The following MACROD1 variants were observed in gnomAD, a reference collection of about 807,000 sequenced individuals.
The protein encoded by MACROD1 is ADP-ribose glycohydrolase MACROD1.
In MACROD1, 31 loss-of-function variants were observed where a neutral mutation model predicts 41.4. That is an observed-to-expected ratio of 0.75 (90% CI 0.56 to 1.01). The LOEUF (loss-of-function observed/expected upper bound fraction) is 1.01. MACROD1 is among the 50% of genes least tolerant of loss of function. The probability of loss-of-function intolerance (pLI) is 0.00; values close to 1 mark genes in which losing one functional copy is unlikely to be tolerated. For synonymous variants in MACROD1, 252 were observed against 203.4 expected, an observed-to-expected ratio of 1.24 and a Z score of -2.03; for missense variants, 473 against 460.0, an observed-to-expected ratio of 1.03 and a Z score of -0.26.
chr11:64,149,374 G>A (rs951007379), intron 3 of MACROD1, among the ~76,000 whole-genome samples: 4 of 152,180 alleles, frequency 2.6e-5, no homozygotes, highest in African/African-American at 9.7e-5. Context: ...GGAGTCCACA[G>A]AGAAACTCAG....
At chr11:64,058,860 A>C (rs1943843486) in intron 3 of MACROD1, among the ~76,000 whole-genome samples, 1 of 152,046 alleles carries the variant, frequency 6.6e-6, no homozygotes, top group Non-Finnish European at 1.5e-5. Context: ...AGGACCAGTG[A>C]TAGGGGAGCT....
At chr11:64,164,942 T>G (rs1945814812) in intron 1 of MACROD1, among the ~76,000 whole-genome samples, 1 of 151,642 alleles carries the variant, frequency 6.6e-6, no homozygotes, top group African/African-American at 2.4e-5. Context: ...TCATGCCCCC[T>G]CCAGGAGCAA....
chr11:64,071,617 G>A (rs750276815), intron 3 of MACROD1, among the ~76,000 whole-genome samples: 4 of 152,132 alleles, frequency 2.6e-5, no homozygotes, highest in Non-Finnish European at 5.9e-5. Flanking sequence ...TACAGGTTCT[G>A]TCGTATCACC....
intron 3 of MACROD1, among the ~76,000 whole-genome samples, chr11:64,085,681 C>T (rs1243483099): frequency 6.6e-6 from 1 of 152,170 alleles, no homozygotes; most frequent in African/African-American, 2.4e-5. Flanking sequence ...GTGGGACGGT[C>T]ACCCACAGAC....
chr11:64,009,230 G>C (rs1942964414), intron 4 of MACROD1: 1 of 152,154 alleles, frequency 6.6e-6, no homozygotes, highest in African/African-American at 2.4e-5. Flanking sequence ...CATACAATAG[G>C]AGAGTGTTTT....
intron 3 of MACROD1, among the ~76,000 whole-genome samples, chr11:64,061,757 T>C (rs974187571): frequency 1.3e-5 from 2 of 151,136 alleles, no homozygotes; most frequent in African/African-American, 4.9e-5. Flanking sequence ...TGGAGTGCAA[T>C]GGCACGATCA....
intron 3 of MACROD1, chr11:64,116,385 G>A (rs1780305254): frequency 1.2e-6 from 2 of 1,613,758 alleles, no homozygotes; most frequent in East Asian, 4.5e-5. Flanking sequence ...CCTCTGCTAC[G>A]GGCTCATCGC....
chr11:64,127,290 C>T lies in MACROD1; in HGVS notation c.517+23949G>A, dbSNP rs186183129. On this transcript the variant is annotated intron_variant, in intron 3 of 10. Coordinates refer to ENST00000255681, the MANE Select transcript of MACROD1 (RefSeq NM_014067.4). ...AATAAATAGAAAGATTTAACTTTTACGGTCATCTCTTGCTGCTGACTCTCG... is the reference window on the plus strand; with the variant it reads ...AATAAATAGAAAGATTTAACTTTTATGGTCATCTCTTGCTGCTGACTCTCG... Among the ~76,000 whole-genome samples, 70 of 152,374 alleles carry T rather than the reference C, an allele frequency of 4.6e-4. No individual in the cohort carries two copies. In the East Asian group the frequency reaches 0.012, roughly 26 times the overall value.
At chr11:64,053,716 C>T (rs1342995666) in intron 3 of MACROD1, among the ~76,000 whole-genome samples, 2 of 152,068 alleles carry the variant, frequency 1.3e-5, no homozygotes, top group East Asian at 3.9e-4. Context: ...CCCCTACTTT[C>T]TCCTTCCCTT....
intron 3 of MACROD1, among the ~76,000 whole-genome samples, chr11:64,115,653 C>A (rs1944963933): frequency 6.6e-6 from 1 of 152,228 alleles, no homozygotes; most frequent in South Asian, 2.1e-4. Flanking sequence ...TTCGTTCCCG[C>A]AGGTTCTGGC....
intron 3 of MACROD1, chr11:64,117,048 G>A (rs1327760639): frequency 1.2e-6 from 2 of 1,606,202 alleles, no homozygotes; most frequent in Non-Finnish European, 1.7e-6. Flanking sequence ...CAATTCGCTG[G>A]CCGCGCCACC....
At chr11:64,002,603 C>T (rs1033337604) in intron 4 of MACROD1, among the ~76,000 whole-genome samples, 21 of 152,138 alleles carry the variant, frequency 1.4e-4, no homozygotes, top group Admixed American at 1.3e-4. Flanking sequence ...CTCTTGCCTG[C>T]GTGTCCCTCC....
intron 3 of MACROD1, among the ~76,000 whole-genome samples, chr11:64,028,728 G>T (rs1369285475): frequency 6.6e-6 from 1 of 152,086 alleles, no homozygotes; most frequent in Non-Finnish European, 1.5e-5. Context: ...AGCCTCAGCG[G>T]CGCTGGTGCT....
chr11:64,071,395 A>T (rs1193231057), intron 3 of MACROD1, among the ~76,000 whole-genome samples: 1 of 152,084 alleles, frequency 6.6e-6, no homozygotes, highest in African/African-American at 2.4e-5. Context: ...TGAATGAATG[A>T]ATGAAACTCA....
chr11:64,124,268 C>T (rs866443033), intron 3 of MACROD1, among the ~76,000 whole-genome samples: 9 of 152,222 alleles, frequency 5.9e-5, no homozygotes, highest in Non-Finnish European at 1.0e-4. Context: ...CCTGCAGCTC[C>T]GAAGCCCAGG....
chr11:64,160,902 T>C (rs953365331), intron 1 of MACROD1, among the ~76,000 whole-genome samples: 2 of 150,722 alleles, frequency 1.3e-5, no homozygotes, highest in Non-Finnish European at 2.9e-5. Context: ...GCCGGGATGG[T>C]GGCTCACACT....
At chr11:64,100,656 C>G (rs1212606387) in intron 3 of MACROD1, among the ~76,000 whole-genome samples, 1 of 152,194 alleles carries the variant, frequency 6.6e-6, no homozygotes, top group African/African-American at 2.4e-5. Flanking sequence ...TACTAATGAT[C>G]ATCATTATGC....
At chr11:64,123,137 C>G (rs928973630) in intron 3 of MACROD1, among the ~76,000 whole-genome samples, 1 of 152,164 alleles carries the variant, frequency 6.6e-6, no homozygotes, top group South Asian at 2.1e-4. Context: ...AGGGGCCGGG[C>G]GCAGGGACCT....
intron 3 of MACROD1, among the ~76,000 whole-genome samples, chr11:64,015,990 T>C (rs1271343991): frequency 6.6e-6 from 1 of 152,154 alleles, no homozygotes; most frequent in Non-Finnish European, 1.5e-5. Flanking sequence ...CCTCACCAGC[T>C]GGTGTGAAGG....
Sources: allele counts gnomAD v4.1 joint callset (sites outside exome capture counted in the v4.1 genomes callset), GRCh38; gene constraint gnomAD v4.1.1; transcripts MANE v1.5; gene names NCBI Gene and HGNC (gene_info 2026-07-23, HGNC 2026-07-21).